The following RAP1B variants were observed in gnomAD, a reference collection of about 807,000 sequenced individuals.
The protein encoded by RAP1B is RAP1B, member of RAS oncogene family.
RAP1B carries 1 observed loss-of-function variant against 27.5 expected under a neutral mutation model. The observed-to-expected ratio is 0.04, with a 90% CI of 0.01 to 0.17. The LOEUF is 0.17. Among genes scored for constraint, RAP1B ranks in the 10% least tolerant of loss-of-function variants. The probability of loss-of-function intolerance (pLI) is 1.00; values close to 1 mark genes in which losing one functional copy is unlikely to be tolerated. For missense variants in RAP1B, 84 were observed against 214.8 expected, an observed-to-expected ratio of 0.39 and a Z score of 3.81; for synonymous variants, 75 against 73.1, an observed-to-expected ratio of 1.03 and a Z score of -0.13.
chr12:68,625,449 A>C (rs1453508621), intron 1 of RAP1B, among the ~76,000 whole-genome samples: 1 of 152,248 alleles, frequency 6.6e-6, no homozygotes, highest in East Asian at 1.9e-4. Flanking sequence ...AATTACAGGA[A>C]GTACCTATGC....
Position 68,663,048 on chromosome 12 carries a change from TTTTC to T in RAP1B, c.*3803_*3806del, listed in dbSNP as rs949771326. ...GTTACAGTGCATCAACACATTTGAATTTTCTTTTTTTTTCTTTTTCTTTTTTTTT... is the reference window on the plus strand; with the variant it reads ...GTTACAGTGCATCAACACATTTGAATTTTTTTTTTCTTTTTCTTTTTTTTT... On this transcript the variant is annotated 3_prime_UTR_variant, in exon 8 of 8. Coordinates refer to ENST00000250559, the MANE Select transcript of RAP1B (RefSeq NM_001010942.3). 2.0e-5 allele frequency: 3 copies of T among 151,804 alleles called. No homozygotes were observed. Among genetic ancestry groups the T allele is most frequent in the African/African-American group, 7.3e-5 (3 of 41,328 alleles). The allele number at this position is 151,804 out of a possible 1,614,324, so 9.4% of individuals were successfully genotyped here.
chr12:68,616,108 C>T (rs1283398439), intron 1 of RAP1B, among the ~76,000 whole-genome samples: 2 of 149,290 alleles, frequency 1.3e-5, no homozygotes, highest in East Asian at 2.0e-4. Flanking sequence ...AGACTACAGG[C>T]GCCCGCCACC....
Position 68,620,248 on chromosome 12 carries a change from C to T in RAP1B, c.-27+9205C>T, listed in dbSNP as rs562825325. On this transcript the variant is annotated intron_variant, in intron 1 of 7. Coordinates refer to ENST00000250559, the MANE Select transcript of RAP1B (RefSeq NM_001010942.3). ...TTATTTTTTTTAAGACTGAGTCTCT[C>T]TATTGTCACCCAGGATGGACTGTGG... Among the ~76,000 whole-genome samples, 9 of 150,738 alleles carry T rather than the reference C, an allele frequency of 6.0e-5. No individual in the cohort carries two copies. In the South Asian group the frequency reaches 1.9e-3, roughly 32 times the overall value.
At chr12:68,628,712 G>T (rs184319171) in intron 1 of RAP1B, among the ~76,000 whole-genome samples, 2 of 152,280 alleles carry the variant, frequency 1.3e-5, no homozygotes, top group Non-Finnish European at 2.9e-5. Flanking sequence ...TGGATGCCTT[G>T]TTCAGTAGTT....
intron 1 of RAP1B, among the ~76,000 whole-genome samples, chr12:68,616,089 G>C (rs1870978566): frequency 6.6e-6 from 1 of 150,510 alleles, no homozygotes; most frequent in East Asian, 2.0e-4. Context: ...TCAGCCTCCC[G>C]AGTAGCTGAG....
rs764538385 is a variant in RAP1B, at chr12:68,664,141, C to T, written c.*4892C>T. On this transcript the variant is annotated 3_prime_UTR_variant, in exon 8 of 8. Transcript: ENST00000250559. Reference sequence around the variant, plus strand: ...TTGGGTCAAAATGCAGGGTTTTTTCCTGAAAACAAAACAGCACACACATAT... The same window carrying T: ...TTGGGTCAAAATGCAGGGTTTTTTCTTGAAAACAAAACAGCACACACATAT... 6.6e-6 allele frequency: 1 copy of T among 151,976 alleles called. No homozygotes were observed. Among genetic ancestry groups the T allele is most frequent in the Non-Finnish European group, 1.5e-5 (1 of 67,998 alleles). 9.4% of individuals were successfully genotyped at this position (151,976 alleles called of 1,614,324 possible).
At chr12:68,650,796 A>G (rs770912450) in intron 3 of RAP1B, 7 of 159,872 alleles carry the variant, frequency 4.4e-5, no homozygotes, top group Non-Finnish European at 5.4e-5. Context: ...TTAACCTAGA[A>G]ATAGGTGGAC....
At chr12:68,653,499 T>TA in intron 4 of RAP1B, among the ~76,000 whole-genome samples, 1 of 152,314 alleles carries the variant, frequency 6.6e-6, no homozygotes, top group South Asian at 2.1e-4. Context: ...ACTTGGCAGA[T>TA]ACAGTTGGGG....
chr12:68,616,489 C>T (rs903806989), intron 1 of RAP1B, among the ~76,000 whole-genome samples: 1 of 145,654 alleles, frequency 6.9e-6, no homozygotes, highest in African/African-American at 2.6e-5. Context: ...CTCTGTCCCC[C>T]AGGCTGGAGT....
Position 68,669,213 on chromosome 12 carries a change from G to A in RAP1B, c.*9964G>A, listed in dbSNP as rs937537847. 2 of 152,106 alleles carry A rather than the reference G, an allele frequency of 1.3e-5. No individual in the cohort carries two copies. Among genetic ancestry groups the A allele is most frequent in the African/African-American group, 4.8e-5 (2 of 41,424 alleles). 9.4% of individuals were successfully genotyped at this position (152,106 alleles called of 1,614,324 possible). On this transcript the variant is annotated 3_prime_UTR_variant, in exon 8 of 8. Coordinates refer to ENST00000250559, the MANE Select transcript of RAP1B (RefSeq NM_001010942.3). The stretch of plus-strand genomic sequence containing the variant: ...AAAAACTAAATGCCTTAAGGTATAA[G>A]GCTAAGAAAGAACTATTATAAACTC...
In RAP1B at chr12:68,665,638, T is replaced by C. The variant is rs1297645865; in HGVS notation, c.*6389T>C. The C allele has an allele frequency of 6.6e-6, 1 of 152,214 alleles. No individual in the cohort carries two copies. Among genetic ancestry groups the C allele is most frequent in the East Asian group, 1.9e-4 (1 of 5,198 alleles). The allele number at this position is 152,214 out of a possible 1,614,324, so 9.4% of individuals were successfully genotyped here. A position where few individuals can be genotyped will look rare whatever the true frequency, so the allele number is the denominator to read the frequency against. ...TACTATTGTTCCTCTTCTAGTATGC[T>C]ATAGACCAGCAGTAATTTTGTGCTC... On this transcript the variant is annotated 3_prime_UTR_variant, in exon 8 of 8. Transcript: ENST00000250559.
Position 68,666,144 on chromosome 12 carries a change from C to T in RAP1B, c.*6895C>T, listed in dbSNP as rs972659401. On this transcript the variant is annotated 3_prime_UTR_variant, in exon 8 of 8. Transcript: ENST00000250559. ...GGGATTACTGGCATGAGCCACTGCG[C>T]CCGGCAAGTTGTCTTTCAAATATAT... 1 of 152,376 alleles carries T rather than the reference C, an allele frequency of 6.6e-6. No individual in the cohort carries two copies. Among genetic ancestry groups the T allele is most frequent in the Middle Eastern group, 3.4e-3 (1 of 294 alleles). 9.4% of individuals were successfully genotyped at this position (152,376 alleles called of 1,614,324 possible).
Position 68,611,028 on chromosome 12 carries a change from G to C in RAP1B, c.-42G>C, listed in dbSNP as rs940934027. On this transcript the variant is annotated 5_prime_UTR_variant, in exon 1 of 8. Transcript: ENST00000250559. Reference sequence around the variant, plus strand: ...GGGGCGACGCTGGCTGCAGGGACCCGGTGACAGCGTGAGAGGTTCGCAGAG... The same window carrying C: ...GGGGCGACGCTGGCTGCAGGGACCCCGTGACAGCGTGAGAGGTTCGCAGAG... 6.1e-5 allele frequency: 19 copies of C among 310,290 alleles called. No homozygotes were observed. Among genetic ancestry groups the C allele is most frequent in the Non-Finnish European group, 1.1e-4 (19 of 168,864 alleles). 19.2% of individuals were successfully genotyped at this position (310,290 alleles called of 1,614,324 possible).
chr12:68,657,469 AT>A (rs1315802534), intron 7 of RAP1B: 2 of 229,294 alleles, frequency 8.7e-6, no homozygotes, highest in African/African-American at 4.6e-5. Flanking sequence ...CAGTGGCGCA[AT>A]ATCAGCTCCC....
At chr12:68,628,308 C>A (rs1479506508) in intron 1 of RAP1B, among the ~76,000 whole-genome samples, 3 of 152,174 alleles carry the variant, frequency 2.0e-5, no homozygotes, top group African/African-American at 4.8e-5. Flanking sequence ...ACAACTGATA[C>A]AAACTGAAGC....
At chr12:68,653,986 A>T (rs1874014114) in intron 4 of RAP1B, 126 bp from the exon 5 acceptor site, 1 of 845,156 alleles carries the variant, frequency 1.2e-6, no homozygotes, top group Non-Finnish European at 1.8e-6. Context: ...GTCATAGATT[A>T]TAATTTTAAC....
intron 1 of RAP1B, among the ~76,000 whole-genome samples, chr12:68,638,027 T>G (rs1000886436): frequency 6.6e-6 from 1 of 152,194 alleles, no homozygotes; most frequent in African/African-American, 2.4e-5. Context: ...AATACAAATT[T>G]AAGTTTTTAA....
intron 1 of RAP1B, among the ~76,000 whole-genome samples, chr12:68,625,068 G>A (rs1871655371): frequency 2.0e-5 from 3 of 152,208 alleles, no homozygotes; most frequent in Admixed American, 1.3e-4. Flanking sequence ...TGCATGTGAT[G>A]TTTTTTGGAT....
chr12:68,653,547 T>C (rs1873970608), intron 4 of RAP1B, among the ~76,000 whole-genome samples: 2 of 152,230 alleles, frequency 1.3e-5, no homozygotes, highest in African/African-American at 2.4e-5. Context: ...AAGCTGCCTT[T>C]AGTAACTTTT....
Sources: allele counts gnomAD v4.1 joint callset (sites outside exome capture counted in the v4.1 genomes callset), GRCh38; gene constraint gnomAD v4.1.1; transcripts MANE v1.5; gene names NCBI Gene and HGNC (gene_info 2026-07-23, HGNC 2026-07-21).